The following SLC24A2 variants were observed in gnomAD, a reference collection of about 807,000 sequenced individuals.
The protein encoded by SLC24A2 is sodium/potassium/calcium exchanger 2.
Under a neutral mutation model 62.0 loss-of-function variants are expected in SLC24A2, and 36 were observed. The observed-to-expected ratio is 0.58, with a 90% CI of 0.44 to 0.77. SLC24A2 has a LOEUF of 0.77. SLC24A2 is among the 30% of genes least tolerant of loss of function. The probability of loss-of-function intolerance (pLI) is 0.00; values close to 1 mark genes in which losing one functional copy is unlikely to be tolerated. For synonymous variants in SLC24A2, 358 were observed against 294.0 expected (o/e 1.22, Z -2.23); for missense variants, 846 against 817.9 (o/e 1.03, Z -0.42).
intron 5 of SLC24A2, among the ~76,000 whole-genome samples, chr9:19,585,578 T>C (rs1466977667): frequency 6.6e-6 from 1 of 152,214 alleles, no homozygotes; most frequent in Non-Finnish European, 1.5e-5. Context: ...TAGCCTTTCT[T>C]AGTGGACAGA....
intron 7 of SLC24A2, among the ~76,000 whole-genome samples, chr9:19,567,146 A>T (rs1194955029): frequency 6.7e-6 from 1 of 148,564 alleles, no homozygotes; most frequent in Non-Finnish European, 1.5e-5. Flanking sequence ...AAAGTATAAT[A>T]AAAAAAATAA....
chr9:20,184,727 T>C, the SLC24A2 span, among the ~76,000 whole-genome samples: 1 of 152,080 alleles, frequency 6.6e-6, no homozygotes, highest in African/African-American at 2.4e-5. Context: ...AACTACCATA[T>C]GTGATCCAGC....
intron 2 of SLC24A2, among the ~76,000 whole-genome samples, chr9:19,769,565 C>T (rs897203007): frequency 1.3e-5 from 2 of 152,208 alleles, no homozygotes; most frequent in Non-Finnish European, 2.9e-5. Flanking sequence ...TGTGTTTTGA[C>T]CCTACACTTA....
chr9:20,124,954 T>C, the SLC24A2 span, among the ~76,000 whole-genome samples: 10 of 152,150 alleles, frequency 6.6e-5, no homozygotes, highest in Non-Finnish European at 1.3e-4. Context: ...CTTGTTATGG[T>C]AGAAAGAGCA....
At chr9:20,169,632 G>C in the SLC24A2 span, among the ~76,000 whole-genome samples, 1 of 151,880 alleles carries the variant, frequency 6.6e-6, no homozygotes, top group African/African-American at 2.4e-5. Flanking sequence ...GGAAAACAGG[G>C]AGAGTACTAC....
At chr9:20,122,635 G>A in the SLC24A2 span, among the ~76,000 whole-genome samples, 2 of 152,198 alleles carry the variant, frequency 1.3e-5, no homozygotes, top group East Asian at 1.9e-4. Flanking sequence ...GCAGTGAGTC[G>A]AGATTGCACC....
the SLC24A2 span, among the ~76,000 whole-genome samples, chr9:20,139,954 C>G: frequency 6.6e-6 from 1 of 152,224 alleles, no homozygotes; most frequent in Admixed American, 6.5e-5. Context: ...ACAGCCCGTG[C>G]TGCTGAATGA....
chr9:19,520,631 T>A (rs1405430024), intron 10 of SLC24A2, among the ~76,000 whole-genome samples: 1 of 152,070 alleles, frequency 6.6e-6, no homozygotes, highest in Non-Finnish European at 1.5e-5. Context: ...TAAGTGAAAT[T>A]CTAAAGTATT....
the SLC24A2 span, among the ~76,000 whole-genome samples, chr9:19,877,416 C>G: frequency 6.9e-6 from 1 of 145,646 alleles, no homozygotes; most frequent in African/African-American, 2.5e-5. Flanking sequence ...AGGCACTGAC[C>G]ATTTTCATAA....
At chr9:19,963,858 C>G in the SLC24A2 span, among the ~76,000 whole-genome samples, 36,969 of 151,940 alleles carry the variant, frequency 0.24, 5,534 homozygotes, top group South Asian at 0.39. Context: ...ACCCAGCCAT[C>G]CCATTACTGG....
At chr9:19,623,787 T>C (rs1200172046) in intron 2 of SLC24A2, among the ~76,000 whole-genome samples, 1 of 152,202 alleles carries the variant, frequency 6.6e-6, no homozygotes, top group Non-Finnish European at 1.5e-5. Flanking sequence ...AATGTGTTTT[T>C]TTCCCCCTTC....
chr9:20,176,925 T>C, the SLC24A2 span, among the ~76,000 whole-genome samples: 1 of 91,686 alleles, frequency 1.1e-5, no homozygotes, highest in Non-Finnish European at 2.4e-5. Flanking sequence ...TGGAGAAGTG[T>C]GGAAAATTAG....
the SLC24A2 span, among the ~76,000 whole-genome samples, chr9:19,955,376 GGT>G: frequency 2.8e-5 from 3 of 108,224 alleles, no homozygotes; most frequent in African/African-American, 1.1e-4. Flanking sequence ...GAAATTCTCA[GGT>G]TTTTTTTTTT....
intron 2 of SLC24A2, among the ~76,000 whole-genome samples, chr9:19,723,635 T>G (rs1179812145): frequency 6.6e-6 from 1 of 152,162 alleles, no homozygotes; most frequent in African/African-American, 2.4e-5. Context: ...GCTATTACCT[T>G]GTGTCCCAGT....
chr9:20,094,942 T>A, the SLC24A2 span, among the ~76,000 whole-genome samples: 2 of 152,160 alleles, frequency 1.3e-5, no homozygotes, highest in African/African-American at 2.4e-5. Context: ...CAAGTTTGGG[T>A]GTAGTAGTTT....
chr9:19,881,048 T>G, the SLC24A2 span, among the ~76,000 whole-genome samples: 1 of 152,122 alleles, frequency 6.6e-6, no homozygotes, highest in Non-Finnish European at 1.5e-5. Context: ...ACAATCTTAG[T>G]GCTGTTGTGA....
At chr9:19,592,308 C>T (rs958261849) in intron 5 of SLC24A2, among the ~76,000 whole-genome samples, 4 of 152,104 alleles carry the variant, frequency 2.6e-5, no homozygotes, top group Non-Finnish European at 5.9e-5. Flanking sequence ...AACTTTTCTA[C>T]CATTTTCTCC....
chr9:20,188,166 T>TG, the SLC24A2 span, among the ~76,000 whole-genome samples: 1 of 152,198 alleles, frequency 6.6e-6, no homozygotes, highest in Non-Finnish European at 1.5e-5. Flanking sequence ...CTACAAACAG[T>TG]GTCCATGCGA....
the SLC24A2 span, among the ~76,000 whole-genome samples, chr9:19,835,874 G>C: frequency 2.6e-5 from 4 of 151,628 alleles, no homozygotes; most frequent in African/African-American, 9.8e-5. Context: ...ACAACAAACT[G>C]TCTCTTAGAC....
Sources: allele counts gnomAD v4.1 joint callset (sites outside exome capture counted in the v4.1 genomes callset), GRCh38; gene constraint gnomAD v4.1.1; transcripts MANE v1.5; gene names NCBI Gene and HGNC (gene_info 2026-07-23, HGNC 2026-07-21).